Variants in ADAMTS6 observed in about 807,000 individuals in gnomAD.
ADAMTS6 encodes the protein A disintegrin and metalloproteinase with thrombospondin motifs 6.
In ADAMTS6, 23 loss-of-function variants were observed where a neutral mutation model predicts 144.3. That is an observed-to-expected ratio of 0.16 (90% CI 0.11 to 0.23). ADAMTS6 has a LOEUF of 0.23. Among genes scored for constraint, ADAMTS6 ranks in the 10% least tolerant of loss-of-function variants. The probability of loss-of-function intolerance (pLI) is 1.00; values close to 1 mark genes in which losing one functional copy is unlikely to be tolerated. For synonymous variants in ADAMTS6, 444 were observed against 457.5 expected (o/e 0.97, Z 0.38); for missense variants, 999 against 1,379.6 (o/e 0.72, Z 4.37).
intron 7 of ADAMTS6, among the ~76,000 whole-genome samples, chr5:65,341,819 A>C (rs1747858285): frequency 6.6e-6 from 1 of 152,194 alleles, no homozygotes; most frequent in Non-Finnish European, 1.5e-5. Flanking sequence ...TGAAGCAGAG[A>C]GAAATCTTTC....
At chr5:65,198,549 A>C (rs974779933) in intron 20 of ADAMTS6, 3 of 167,062 alleles carry the variant, frequency 1.8e-5, no homozygotes, top group Non-Finnish European at 2.9e-5. Context: ...AAGCCCTTTA[A>C]ATTTAAAGAC....
At chr5:65,398,364 T>C (rs73111144) in intron 7 of ADAMTS6, among the ~76,000 whole-genome samples, 3,039 of 152,342 alleles carry the variant, frequency 0.02, 97 homozygotes, top group African/African-American at 0.069. Context: ...CTGACTCCTT[T>C]ATCATTACGT....
intron 13 of ADAMTS6, among the ~76,000 whole-genome samples, chr5:65,262,463 T>C (rs187895112): frequency 6.6e-6 from 1 of 152,292 alleles, no homozygotes; most frequent in African/African-American, 2.4e-5. Context: ...AGACCTTAGG[T>C]TTCCTGGGAA....
At chr5:65,179,707 G>T (rs1172927925) in intron 22 of ADAMTS6, among the ~76,000 whole-genome samples, 2 of 152,036 alleles carry the variant, frequency 1.3e-5, no homozygotes, top group East Asian at 1.9e-4. Context: ...GAATGAAATA[G>T]TCTCTACCCT....
chr5:65,420,973 G>T (rs1412005934), intron 7 of ADAMTS6, among the ~76,000 whole-genome samples: 1 of 152,062 alleles, frequency 6.6e-6, no homozygotes, highest in African/African-American at 2.4e-5. Flanking sequence ...TGTTAAATGA[G>T]TCTCTTGAAA....
intron 14 of ADAMTS6, among the ~76,000 whole-genome samples, chr5:65,247,602 G>A (rs1386964490): frequency 6.6e-6 from 1 of 152,096 alleles, no homozygotes; most frequent in Non-Finnish European, 1.5e-5. Flanking sequence ...TTCTGAAAAT[G>A]ATGTATCATT....
chr5:65,302,105 AAAATATAT>A (rs1220342893), intron 9 of ADAMTS6, among the ~76,000 whole-genome samples: 2,955 of 49,632 alleles, frequency 0.06, 93 homozygotes, highest in Non-Finnish European at 0.082. Context: ...AAAAAAAAAA[AAAATATAT>A]ATATATATAT....
chr5:65,467,855 TGAG>T (rs1353425951), intron 3 of ADAMTS6, among the ~76,000 whole-genome samples: 1 of 152,042 alleles, frequency 6.6e-6, no homozygotes, highest in Admixed American at 6.6e-5. Flanking sequence ...AGTCCCAAAA[TGAG>T]AGATGTTACA....
chr5:65,380,494 T>G (rs1751954655), intron 7 of ADAMTS6, among the ~76,000 whole-genome samples: 1 of 152,064 alleles, frequency 6.6e-6, no homozygotes, highest in Non-Finnish European at 1.5e-5. Context: ...GAGAATCACT[T>G]GAACTTGGGA....
rs568128214 is a variant in ADAMTS6, at chr5:65,198,667, C to T, written c.2576-1516G>A. The T allele has an allele frequency of 1.8e-5, 3 of 167,108 alleles. No homozygotes were observed. The East Asian group carries it at 5.8e-4, about 32-fold the overall frequency. 10.4% of individuals were successfully genotyped at this position (167,108 alleles called of 1,614,324 possible). A position where few individuals can be genotyped will look rare whatever the true frequency, so the allele number is the denominator to read the frequency against. ...TTTTATTGCTTGCACTGACCCAGGG[C>T]TCTTGCTGATCACCTTCTGCAACCA... On this transcript the variant is annotated intron_variant, in intron 20 of 24. Coordinates refer to ENST00000381055, the MANE Select transcript of ADAMTS6 (RefSeq NM_197941.4).
At chr5:65,353,496 T>A (rs1233305866) in intron 7 of ADAMTS6, among the ~76,000 whole-genome samples, 1 of 151,988 alleles carries the variant, frequency 6.6e-6, no homozygotes, top group Non-Finnish European at 1.5e-5. Flanking sequence ...TTCTTGTCCC[T>A]AATATTGAAT....
intron 24 of ADAMTS6, among the ~76,000 whole-genome samples, chr5:65,157,279 T>C (rs1752485182): frequency 6.6e-6 from 1 of 152,252 alleles, no homozygotes. Context: ...GTGCTTTACA[T>C]TAATCTTTCA....
At chr5:65,155,447 C>A (rs1340843000) in intron 24 of ADAMTS6, among the ~76,000 whole-genome samples, 1 of 152,146 alleles carries the variant, frequency 6.6e-6, no homozygotes, top group African/African-American at 2.4e-5. Context: ...TATTACTATA[C>A]TGAATATTGT....
At chr5:65,312,555 A>C (rs1204057437) in intron 9 of ADAMTS6, among the ~76,000 whole-genome samples, 2 of 152,052 alleles carry the variant, frequency 1.3e-5, no homozygotes, top group Admixed American at 1.3e-4. Flanking sequence ...CTTTATATGC[A>C]ATCTACTTTA....
chr5:65,269,791 T>C (rs56109080), intron 12 of ADAMTS6, among the ~76,000 whole-genome samples: 28,470 of 133,426 alleles, frequency 0.21, 2,735 homozygotes, highest in African/African-American at 0.25. Context: ...GTGTAAGTAC[T>C]TTTTTTTTTT....
At chr5:65,474,330 AC>A (rs1446247265) in intron 1 of ADAMTS6, among the ~76,000 whole-genome samples, 2 of 152,122 alleles carry the variant, frequency 1.3e-5, no homozygotes, top group Non-Finnish European at 2.9e-5. Context: ...CCATTCCATA[AC>A]ATGCCTTTTA....
In ADAMTS6 at chr5:65,151,745, A is replaced by G. The variant is rs1752147162; in HGVS notation, c.*91T>C. Reference sequence around the variant, plus strand: ...TTTTCCACAGGGTAATGCATTTGCAAGGACATCAATCCTCTTCCTCTGGGT... The same window carrying G: ...TTTTCCACAGGGTAATGCATTTGCAGGGACATCAATCCTCTTCCTCTGGGT... On this transcript the variant is annotated 3_prime_UTR_variant, in exon 25 of 25. Coordinates refer to ENST00000381055, the MANE Select transcript of ADAMTS6 (RefSeq NM_197941.4). The G allele has an allele frequency of 8.8e-7, 1 of 1,139,484 alleles. No homozygotes were observed. The highest frequency in any genetic ancestry group is 1.8e-5 in the Admixed American group (1 of 55,456). 70.6% of individuals were successfully genotyped at this position (1,139,484 alleles called of 1,614,324 possible).
At chr5:65,233,013 G>A (rs72760511) in intron 15 of ADAMTS6, among the ~76,000 whole-genome samples, 12,081 of 152,048 alleles carry the variant, frequency 0.079, 532 homozygotes, top group East Asian at 0.11. Context: ...ATCAAGTAGG[G>A]TTTATCCTGA....
chr5:65,323,026 T>A (rs1745775335), intron 9 of ADAMTS6, among the ~76,000 whole-genome samples: 2 of 152,190 alleles, frequency 1.3e-5, no homozygotes, highest in South Asian at 4.1e-4. Context: ...TAACCCATTT[T>A]ATAAGACAAA....
Sources: gnomAD v4.1 joint callset for allele counts (sites outside exome capture counted in the v4.1 genomes callset) on GRCh38, gnomAD v4.1.1 for gene constraint, MANE v1.5 for transcripts, NCBI Gene and HGNC (gene_info 2026-07-23, HGNC 2026-07-21) for gene names.